Variants in LUZP2 observed in about 807,000 individuals in gnomAD.
The protein encoded by LUZP2 is leucine zipper protein 2.
LUZP2 carries 52 observed loss-of-function variants against 51.6 expected under a neutral mutation model. The observed-to-expected ratio is 1.01, with a 90% CI of 0.81 to 1.27. LUZP2 has a LOEUF of 1.27. Among genes scored for constraint, LUZP2 ranks in the 50% most tolerant of loss-of-function variants. The pLI is 0.00. For synonymous variants in LUZP2, 154 were observed against 137.3 expected, an observed-to-expected ratio of 1.12 and a Z score of -0.85; for missense variants, 436 against 395.4, an observed-to-expected ratio of 1.10 and a Z score of -0.87.
chr11:25,064,582 T>C (rs1329797992), intron 10 of LUZP2, among the ~76,000 whole-genome samples: 2 of 152,158 alleles, frequency 1.3e-5, no homozygotes, highest in Non-Finnish European at 1.5e-5. Flanking sequence ...CTCTATTTCA[T>C]AAAATCTCAT....
rs1017011421 is a variant in LUZP2, at chr11:25,081,985, G to A, written c.*3327G>A. On this transcript the variant is annotated 3_prime_UTR_variant, in exon 12 of 12. Transcript: ENST00000336930. The stretch of plus-strand genomic sequence containing the variant: ...TAAATTAGAAATTTCTTTTGGCTTT[G>A]TGTTTTTTTAATGTGCGTTAAATAT... 1.3e-5 allele frequency: 2 copies of A among 151,956 alleles called. No homozygotes were observed. Among genetic ancestry groups the A allele is most frequent in the African/African-American group, 4.8e-5 (2 of 41,380 alleles). The allele number at this position is 151,956 out of a possible 1,614,324, so 9.4% of individuals were successfully genotyped here.
chr11:24,825,757 C>A (rs1850505801), intron 5 of LUZP2, among the ~76,000 whole-genome samples: 1 of 152,006 alleles, frequency 6.6e-6, no homozygotes, highest in Admixed American at 6.6e-5. Context: ...CTCCTCACCC[C>A]CTGATTTTTC....
At position 24,674,305 on chromosome 11, in the gene LUZP2, T is replaced by G. The variant is rs117663218; in HGVS notation, c.63-54864T>G. On this transcript the variant is annotated intron_variant, in intron 1 of 11. Coordinates refer to ENST00000336930, the MANE Select transcript of LUZP2 (RefSeq NM_001009909.4). ...ACTTTCAGGAGACAGCCTGTGACCT[T>G]CTGCTAGCCCCGACATCTCTTTCAT... 3.1e-4 allele frequency among the ~76,000 whole-genome samples: 47 copies of G among 152,338 alleles called. No individual in the cohort carries two copies. The East Asian group carries it at 7.7e-3, about 25-fold the overall frequency.
chr11:24,630,155 G>A (rs1293462427), intron 1 of LUZP2, among the ~76,000 whole-genome samples: 1 of 151,832 alleles, frequency 6.6e-6, no homozygotes, highest in East Asian at 1.9e-4. Context: ...TGTTCACTCT[G>A]TTAATTATTT....
intron 7 of LUZP2, among the ~76,000 whole-genome samples, chr11:24,928,592 G>C (rs910592024): frequency 6.6e-6 from 1 of 151,998 alleles, no homozygotes; most frequent in Admixed American, 6.6e-5. Context: ...GTTTGTCATG[G>C]TGGATTATCT....
intron 5 of LUZP2, chr11:24,785,895 T>C (rs1292788037): frequency 1.0e-6 from 1 of 985,338 alleles, no homozygotes. Context: ...TTGTTCCAAA[T>C]TGGCAGCAGT....
intron 1 of LUZP2, among the ~76,000 whole-genome samples, chr11:24,533,548 A>G (rs1851078066): frequency 6.6e-6 from 1 of 151,364 alleles, no homozygotes; most frequent in African/African-American, 2.4e-5. Context: ...TACTTTCAAA[A>G]GAATATGCTT....
chr11:24,562,096 G>A (rs956117775), intron 1 of LUZP2, among the ~76,000 whole-genome samples: 4 of 151,914 alleles, frequency 2.6e-5, no homozygotes, highest in African/African-American at 9.7e-5. Flanking sequence ...TTTTATGTGA[G>A]GTATCTACGT....
chr11:24,791,863 A>G (rs1479884974), intron 5 of LUZP2, among the ~76,000 whole-genome samples: 3 of 152,092 alleles, frequency 2.0e-5, no homozygotes, highest in African/African-American at 7.2e-5. Context: ...TCCAAATTTC[A>G]AACAGTGAAA....
In LUZP2 at chr11:24,824,264, G is replaced by T. The variant is rs1850453028; in HGVS notation, c.396+60956G>T. Among the ~76,000 whole-genome samples the T allele has an allele frequency of 2.0e-5, 3 of 149,330 alleles. No individual in the cohort carries two copies. The Admixed American group carries it at 2.0e-4, about 10-fold the overall frequency. On this transcript the variant is annotated intron_variant, in intron 5 of 11. Transcript: ENST00000336930. ...GCCTGTAATCCCAGCTACTCAGGAG[G>T]CTGAGGCAGGAGAATAGCTTGAACC...
chr11:24,695,350 T>G (rs1177721743), intron 1 of LUZP2, among the ~76,000 whole-genome samples: 1 of 152,088 alleles, frequency 6.6e-6, no homozygotes, highest in Non-Finnish European at 1.5e-5. Context: ...CATATAATAA[T>G]TATACATATA....
intron 5 of LUZP2, among the ~76,000 whole-genome samples, chr11:24,807,352 C>T (rs767843146): frequency 1.3e-5 from 2 of 151,524 alleles, no homozygotes; most frequent in African/African-American, 4.9e-5. Context: ...ATCGCAGCTA[C>T]TTGGGAGGCT....
intron 1 of LUZP2, among the ~76,000 whole-genome samples, chr11:24,582,874 TGA>T (rs1329865640): frequency 6.6e-6 from 1 of 152,106 alleles, no homozygotes; most frequent in Non-Finnish European, 1.5e-5. Context: ...TCTTTTACAA[TGA>T]GAGAATAAAA....
At chr11:24,662,934 T>G (rs981781731) in intron 1 of LUZP2, among the ~76,000 whole-genome samples, 1 of 151,976 alleles carries the variant, frequency 6.6e-6, no homozygotes, top group Admixed American at 6.6e-5. Context: ...TTTAAATAAA[T>G]ACAAAAAATT....
chr11:24,939,330 A>G (rs527564337), intron 7 of LUZP2, among the ~76,000 whole-genome samples: 46 of 152,144 alleles, frequency 3.0e-4, no homozygotes, highest in Non-Finnish European at 6.5e-4. Flanking sequence ...TCCTCAGTCT[A>G]GTAAGGGAGA....
chr11:24,840,937 G>A (rs775994025), intron 5 of LUZP2, among the ~76,000 whole-genome samples: 10 of 151,960 alleles, frequency 6.6e-5, no homozygotes, highest in Non-Finnish European at 1.2e-4. Context: ...TATATAACCT[G>A]AATATGATTG....
intron 9 of LUZP2, among the ~76,000 whole-genome samples, chr11:24,997,698 C>A (rs886263909): frequency 9.2e-5 from 14 of 152,002 alleles, no homozygotes; most frequent in South Asian, 2.1e-4. Flanking sequence ...CTTGCCCATG[C>A]CTATGTCCTG....
At chr11:24,920,754 A>T (rs976067012) in intron 7 of LUZP2, among the ~76,000 whole-genome samples, 1 of 151,970 alleles carries the variant, frequency 6.6e-6, no homozygotes, top group Non-Finnish European at 1.5e-5. Context: ...GTACACATGG[A>T]CATAGAGTAT....
rs181504097 is a variant in LUZP2 at position 24,717,107 on chromosome 11, T to C, written c.63-12062T>C. Among the ~76,000 whole-genome samples the C allele has an allele frequency of 7.9e-5, 12 of 152,154 alleles. No homozygotes were observed. The East Asian group carries it at 1.9e-3, about 25-fold the overall frequency. ...TTTATAGTTCTAGGAGGAGATTTCA[T>C]GGAAGAAGTGAAATGAAGTAATTTC... On this transcript the variant is annotated intron_variant, in intron 1 of 11. Coordinates refer to ENST00000336930, the MANE Select transcript of LUZP2 (RefSeq NM_001009909.4).
Sources: allele counts gnomAD v4.1 joint callset (sites outside exome capture counted in the v4.1 genomes callset), GRCh38; gene constraint gnomAD v4.1.1; transcripts MANE v1.5; gene names NCBI Gene and HGNC (gene_info 2026-07-23, HGNC 2026-07-21).